Variants in PABPC4L observed in about 807,000 individuals in gnomAD.
PABPC4L encodes polyadenylate-binding protein 4-like.
For missense variants in PABPC4L, 452 were observed against 451.4 expected (o/e 1.00, Z -0.01); for synonymous variants, 169 against 164.1 (o/e 1.03, Z -0.23).
At chr4:133,950,288 A>C in the PABPC4L span, among the ~76,000 whole-genome samples, 5 of 152,194 alleles carry the variant, frequency 3.3e-5, no homozygotes, top group South Asian at 1.0e-3. Flanking sequence ...GAGGTGGTCT[A>C]CTATTACTAG....
At chr4:134,163,542 C>A in the PABPC4L span, among the ~76,000 whole-genome samples, 1 of 151,962 alleles carries the variant, frequency 6.6e-6, no homozygotes, top group Non-Finnish European at 1.5e-5. Context: ...CAGGAAAGAA[C>A]ATAAAAAAAG....
At chr4:134,124,334 A>T in the PABPC4L span, among the ~76,000 whole-genome samples, 1 of 152,022 alleles carries the variant, frequency 6.6e-6, no homozygotes, top group African/African-American at 2.4e-5. Context: ...CTACTAAAAC[A>T]ACCTGCTGCT....
At chr4:134,026,130 A>G in the PABPC4L span, among the ~76,000 whole-genome samples, 1 of 152,158 alleles carries the variant, frequency 6.6e-6, no homozygotes, top group Non-Finnish European at 1.5e-5. Flanking sequence ...TATAATTGGC[A>G]CTTGTAAATG....
chr4:134,165,672 T>TA, the PABPC4L span, among the ~76,000 whole-genome samples: 1 of 152,178 alleles, frequency 6.6e-6, no homozygotes, highest in African/African-American at 2.4e-5. Context: ...AGAGAACTCT[T>TA]ACACACTGCT....
the PABPC4L span, among the ~76,000 whole-genome samples, chr4:134,000,831 T>C: frequency 1.3e-5 from 2 of 152,056 alleles, no homozygotes; most frequent in Non-Finnish European, 2.9e-5. Flanking sequence ...GGCCATCAGA[T>C]CTGGACTGGA....
At chr4:134,079,091 C>T in the PABPC4L span, among the ~76,000 whole-genome samples, 1 of 150,738 alleles carries the variant, frequency 6.6e-6, no homozygotes, top group Non-Finnish European at 1.5e-5. Context: ...TCTGCCTCAG[C>T]CTCCAAAGTA....
chr4:134,057,410 T>G, the PABPC4L span, among the ~76,000 whole-genome samples: 1 of 152,224 alleles, frequency 6.6e-6, no homozygotes, highest in African/African-American at 2.4e-5. Flanking sequence ...ACCATTTTGC[T>G]GTGATGAAAG....
chr4:133,977,126 G>A, the PABPC4L span, among the ~76,000 whole-genome samples: 3 of 151,988 alleles, frequency 2.0e-5, no homozygotes, highest in Non-Finnish European at 4.4e-5. Flanking sequence ...TTAATTTTCT[G>A]CATATGGCTA....
the PABPC4L span, among the ~76,000 whole-genome samples, chr4:133,966,739 T>C: frequency 6.6e-6 from 1 of 152,086 alleles, no homozygotes; most frequent in Non-Finnish European, 1.5e-5. Context: ...TTCTCACTGA[T>C]ACGTGGGAGC....
the PABPC4L span, among the ~76,000 whole-genome samples, chr4:134,190,623 A>G: frequency 5.9e-5 from 9 of 152,066 alleles, no homozygotes; most frequent in Admixed American, 3.3e-4. Flanking sequence ...AGTTTATATA[A>G]TCATTGTACA....
At chr4:134,099,016 A>C in the PABPC4L span, among the ~76,000 whole-genome samples, 1 of 151,656 alleles carries the variant, frequency 6.6e-6, no homozygotes, top group South Asian at 2.1e-4. Flanking sequence ...AGAAAGAAGA[A>C]AGGGAATGTT....
the PABPC4L span, among the ~76,000 whole-genome samples, chr4:134,090,854 G>A: frequency 0.71 from 107,864 of 151,828 alleles, 38,818 homozygotes; most frequent in East Asian, 0.96. Flanking sequence ...ATCATATAGC[G>A]TATTTACTTG....
chr4:134,113,020 TAAAAAC>T, the PABPC4L span, among the ~76,000 whole-genome samples: 1 of 151,812 alleles, frequency 6.6e-6, no homozygotes, highest in East Asian at 1.9e-4. Context: ...CAAAAAAGTT[TAAAAAC>T]AAAAACAAAT....
At chr4:134,141,532 T>C in the PABPC4L span, among the ~76,000 whole-genome samples, 1 of 150,472 alleles carries the variant, frequency 6.6e-6, no homozygotes, top group East Asian at 1.9e-4. Flanking sequence ...TTTTAATGTC[T>C]GGTGAATTTA....
At chr4:134,020,139 A>G in the PABPC4L span, among the ~76,000 whole-genome samples, 2 of 152,104 alleles carry the variant, frequency 1.3e-5, no homozygotes, top group Admixed American at 1.3e-4. Context: ...CTTGGATCTC[A>G]TGCAAGAAAG....
the PABPC4L span, among the ~76,000 whole-genome samples, chr4:134,137,389 A>G: frequency 6.6e-6 from 1 of 151,928 alleles, no homozygotes; most frequent in Non-Finnish European, 1.5e-5. Flanking sequence ...CAATGTTTAC[A>G]AGTATAAGAG....
chr4:133,962,414 G>A, the PABPC4L span, among the ~76,000 whole-genome samples: 1 of 152,152 alleles, frequency 6.6e-6, no homozygotes, highest in African/African-American at 2.4e-5. Flanking sequence ...AAATATCCAA[G>A]GGAATAGATA....
the PABPC4L span, among the ~76,000 whole-genome samples, chr4:134,187,263 A>G: frequency 6.6e-6 from 1 of 152,056 alleles, no homozygotes; most frequent in African/African-American, 2.4e-5. Flanking sequence ...TTGTGGCACT[A>G]TTCACAATAG....
the PABPC4L span, among the ~76,000 whole-genome samples, chr4:134,134,271 A>G: frequency 1.3e-5 from 2 of 152,092 alleles, no homozygotes; most frequent in Non-Finnish European, 2.9e-5. Flanking sequence ...TTTGCAATAA[A>G]AGCTACTTTA....
Sources: allele counts gnomAD v4.1 joint callset (sites outside exome capture counted in the v4.1 genomes callset), GRCh38; gene constraint gnomAD v4.1.1; transcripts MANE v1.5; gene names NCBI Gene and HGNC (gene_info 2026-07-23, HGNC 2026-07-21).